The following STK36 variants were observed in gnomAD, a reference collection of about 807,000 sequenced individuals.
STK36 encodes the protein serine/threonine kinase 36.
In STK36, 116 loss-of-function variants were observed where a neutral mutation model predicts 142.2. The ratio of observed to expected loss-of-function variants is 0.82; its 90% CI spans 0.70 to 0.95. The LOEUF is 0.95. STK36 is among the 40% of genes least tolerant of loss of function. The pLI, the probability that STK36 is intolerant of heterozygous loss-of-function variation, is 0.00. For missense variants in STK36, 1,422 were observed against 1,617.2 expected (o/e 0.88, Z 2.07); for synonymous variants, 619 against 641.7 (o/e 0.96, Z 0.53).
chr2:218,689,756 T>C lies in STK36; in HGVS notation c.1561-103T>C, dbSNP rs957143287. 1.7e-5 allele frequency: 17 copies of C among 1,011,658 alleles called. No individual in the cohort carries two copies. The South Asian group carries it at 2.3e-4, about 14-fold the overall frequency. The allele number at this position is 1,011,658 out of a possible 1,614,324, so 62.7% of individuals were successfully genotyped here. On this transcript the variant is annotated intron_variant, in intron 12 of 26. Transcript: ENST00000295709. ...TACTTCTCTTCTGTCCCTTTCTGTT[T>C]GATCAACTTGACTGGGTCTCTATAC...
intron 22 of STK36, chr2:218,696,807 G>A: frequency 1.1e-6 from 1 of 891,532 alleles, no homozygotes; most frequent in Non-Finnish European, 1.9e-6. Flanking sequence ...GATCCAGTGG[G>A]AGATAAAATG....
rs1463698943 is a variant in STK36 at position 218,688,719 on chromosome 2, G to A, written c.1403G>A (p.Gly468Asp). Residue 468 changes from glycine to aspartate, a missense_variant, in exon 12 of 27, where the codon GGT (glycine) becomes GAT (aspartate). Transcript: ENST00000295709. The stretch of plus-strand genomic sequence containing the variant: ...CAGATCCTGAAAGGCATCTTGGAGG[G>A]TGCTTCCCACATCCTGCCTGCATTC... The part of the protein sequence containing the change: ...GGQILKGILE[G>D]ASHILPAFRV... 2 of 1,613,246 alleles carry A rather than the reference G, an allele frequency of 1.2e-6. No homozygotes were observed. Among genetic ancestry groups the A allele is most frequent in the South Asian group, 2.2e-5 (2 of 90,942 alleles).
intron 17 of STK36, 54 bp from the exon 18 acceptor site, chr2:218,693,669 T>G: frequency 6.5e-7 from 1 of 1,540,324 alleles, no homozygotes; most frequent in Non-Finnish European, 8.9e-7. Flanking sequence ...GCCTTCAATC[T>G]TGGAGCCCGG....
At chr2:218,680,187 A>G (rs1180759972) in intron 9 of STK36, 107 bp downstream of exon 9, 5 of 1,048,182 alleles carry the variant, frequency 4.8e-6, no homozygotes, top group African/African-American at 3.2e-5. Context: ...CTGCCTAAAC[A>G]TGGATAGAGC....
At chr2:218,684,406 C>T (rs776174473) in intron 10 of STK36, among the ~76,000 whole-genome samples, 9 of 123,716 alleles carry the variant, frequency 7.3e-5, no homozygotes, top group South Asian at 2.9e-4. Flanking sequence ...TGAGCTACTG[C>T]GCCTGGCCTT....
At position 218,692,125 on chromosome 2, in the gene STK36, T is replaced by A. The variant is rs755909738; in HGVS notation, c.1765-18T>A. ...TCTTCTGATGCCCTGATGCTACCTC[T>A]GCACTTCTCTCCTTTAGTGCTTTAC... On this transcript the variant is annotated intron_variant, in intron 14 of 26. Coordinates refer to ENST00000295709, the MANE Select transcript of STK36 (RefSeq NM_015690.5). 2.0e-5 allele frequency: 33 copies of A among 1,611,594 alleles called. No individual in the cohort carries two copies. The Admixed American group carries it at 5.5e-4, about 27-fold the overall frequency.
chr2:218,679,827 T>C, intron 8 of STK36, 66 bp from the exon 9 acceptor site: 1 of 1,604,282 alleles, frequency 6.2e-7, no homozygotes, highest in East Asian at 2.2e-5. Context: ...GGGCCGTGAA[T>C]AGCATTCATA....
intron 6 of STK36, among the ~76,000 whole-genome samples, chr2:218,677,976 A>G (rs1315874127): frequency 2.0e-5 from 3 of 152,198 alleles, no homozygotes; most frequent in South Asian, 2.1e-4. Context: ...AATTTTTAGT[A>G]GAGACGGGGT....
chr2:218,688,293 ATGT>A (rs995186546), intron 11 of STK36: 133 of 452,662 alleles, frequency 2.9e-4, no homozygotes, highest in Non-Finnish European at 5.0e-4. Flanking sequence ...GAGTTGAATA[ATGT>A]TGTTTTGTCT....
At chr2:218,673,061 T>C (rs1334555467) in intron 2 of STK36, 148 bp downstream of exon 2, 2 of 644,822 alleles carry the variant, frequency 3.1e-6, no homozygotes, top group Non-Finnish European at 5.1e-6. Context: ...AGCTTTGAAG[T>C]TGGATTATTT....
intron 4 of STK36, among the ~76,000 whole-genome samples, chr2:218,674,632 C>T (rs1407481423): frequency 2.6e-5 from 4 of 152,146 alleles, no homozygotes; most frequent in Non-Finnish European, 4.4e-5. Context: ...GACAGAGTCT[C>T]GCTTTGTTGC....
At position 218,692,220 on chromosome 2, in the gene STK36, G is replaced by C; in HGVS notation, c.1842G>C (p.Thr614=). ...ISKAFYSSLL[T]TQQVVLDGLL... is the part of the protein sequence containing the mutation. ...AAGCCTTTTACTCCAGCTTGCTGAC[G>C]ACACAGCAGGTTGTCTTGGATGGGC... The change falls in exon 15 of 27, where the codon ACG becomes ACC. Residue 614 remains threonine, a synonymous_variant. Coordinates refer to ENST00000295709, the MANE Select transcript of STK36 (RefSeq NM_015690.5). 6.2e-7 allele frequency: 1 copy of C among 1,614,162 alleles called. No individual in the cohort carries two copies. Among genetic ancestry groups the C allele is most frequent in the Non-Finnish European group, 8.5e-7 (1 of 1,180,034 alleles).
At chr2:218,674,007 A>G (rs775486903) in intron 4 of STK36, 51 bp downstream of exon 4, 2 of 1,557,990 alleles carry the variant, frequency 1.3e-6, no homozygotes, top group Non-Finnish European at 1.8e-6. Flanking sequence ...TCTCCAGGTT[A>G]GAGAACTGGT....
chr2:218,691,219 T>C (rs924660525), intron 14 of STK36, among the ~76,000 whole-genome samples: 1 of 152,122 alleles, frequency 6.6e-6, no homozygotes, highest in African/African-American at 2.4e-5. Flanking sequence ...TCAGAGGAGA[T>C]AGAGAGGAAC....
chr2:218,677,097 C>A (rs1283483049), intron 6 of STK36, among the ~76,000 whole-genome samples: 5 of 152,062 alleles, frequency 3.3e-5, no homozygotes, highest in African/African-American at 9.7e-5. Context: ...CCATGCCTGG[C>A]TAATTTTGTA....
At position 218,679,977 on chromosome 2, in the gene STK36, G is replaced by T. The variant is rs56268450; in HGVS notation, c.1033G>T (p.Gly345Trp). The change falls in exon 9 of 27, where the codon GGG becomes TGG. Residue 345 changes from glycine to tryptophan, a missense_variant. Around this residue, in one of 2 missense-constraint regions of STK36, gnomAD observed 460 missense variants for 449.6 expected, o/e 1.02. Coordinates refer to ENST00000295709, the MANE Select transcript of STK36 (RefSeq NM_015690.5). ...APGTAPLPRLGATPQESSLLA... is the reference protein window; with the variant it reads ...APGTAPLPRLWATPQESSLLA... The stretch of plus-strand genomic sequence containing the variant: ...TGGCACAGCCCCTCTGCCCAGACTC[G>T]GGGCCACTCCTCAGGAATCAAGCCT... 2.5e-6 allele frequency: 4 copies of T among 1,614,152 alleles called. No homozygotes were observed. The East Asian group carries it at 8.9e-5, about 36-fold the overall frequency.
intron 26 of STK36, among the ~76,000 whole-genome samples, chr2:218,701,135 T>TA (rs1380519762): frequency 2.7e-5 from 3 of 111,996 alleles, no homozygotes; most frequent in Non-Finnish European, 5.5e-5. Flanking sequence ...ATGGTGAAGA[T>TA]CTTTTTTTTT....
chr2:218,695,187 G>C (rs1045505132), intron 21 of STK36, among the ~76,000 whole-genome samples: 59 of 146,770 alleles, frequency 4.0e-4, no homozygotes, highest in African/African-American at 1.4e-3. Context: ...TTTGTAAAAA[G>C]AAGGATAGAC....
intron 16 of STK36, 53 bp downstream of exon 16, chr2:218,692,763 A>G: frequency 6.4e-7 from 1 of 1,560,006 alleles, no homozygotes; most frequent in Non-Finnish European, 8.7e-7. Context: ...GGAATTGAGG[A>G]GGCTAGCCCC....
Sources: gnomAD v4.1 joint callset for allele counts (sites outside exome capture counted in the v4.1 genomes callset) on GRCh38, gnomAD v4.1.1 for gene constraint, gnomAD v4.1.1 regional missense constraint, MANE v1.5 for transcripts, NCBI Gene and HGNC (gene_info 2026-07-23, HGNC 2026-07-21) for gene names.